The following SV2C variants were observed in gnomAD, a reference collection of about 807,000 sequenced individuals.
SV2C encodes the protein solute carrier family 22 member B3.
SV2C carries 49 observed loss-of-function variants against 79.7 expected under a neutral mutation model. The observed-to-expected ratio is 0.61, with a 90% CI of 0.49 to 0.78. The LOEUF (loss-of-function observed/expected upper bound fraction) is 0.78. Among genes scored for constraint, SV2C ranks in the 30% least tolerant of loss-of-function variants. SV2C has a pLI of 0.00. For missense variants in SV2C, 833 were observed against 912.9 expected (o/e 0.91, Z 1.13); for synonymous variants, 334 against 333.2 (o/e 1.00, Z -0.03).
At chr5:76,024,409 A>T in the SV2C span, among the ~76,000 whole-genome samples, 4 of 152,194 alleles carry the variant, frequency 2.6e-5, no homozygotes, top group African/African-American at 9.6e-5. Context: ...GTTTGTGAAC[A>T]TGTTGTCACT....
the SV2C span, among the ~76,000 whole-genome samples, chr5:75,960,728 G>C: frequency 1.3e-5 from 2 of 151,930 alleles, no homozygotes; most frequent in Non-Finnish European, 1.5e-5. Context: ...CTCAGAAAGT[G>C]TCCCTGTCAT....
chr5:76,268,482 G>A (rs4704303), intron 4 of SV2C, among the ~76,000 whole-genome samples: 37,301 of 152,050 alleles, frequency 0.25, 4,938 homozygotes, highest in African/African-American at 0.33. Flanking sequence ...CATGGCTGCA[G>A]CTTTATTGGT....
chr5:76,337,157 G>T (rs1037409103), downstream of SV2C, among the ~76,000 whole-genome samples: 2 of 152,126 alleles, frequency 1.3e-5, no homozygotes, highest in Non-Finnish European at 2.9e-5. Flanking sequence ...TTTTCTTACA[G>T]ATCTGGAGAC....
the SV2C span, among the ~76,000 whole-genome samples, chr5:75,942,073 G>A: frequency 1.3e-5 from 2 of 152,168 alleles, no homozygotes; most frequent in African/African-American, 4.8e-5. Flanking sequence ...AGAGGACAAG[G>A]TTAAGAGAGT....
chr5:76,077,726 A>C, the SV2C span, among the ~76,000 whole-genome samples: 1 of 152,188 alleles, frequency 6.6e-6, no homozygotes, highest in Non-Finnish European at 1.5e-5. Context: ...TTTGGTCAAG[A>C]CTACAATGAG....
the SV2C span, among the ~76,000 whole-genome samples, chr5:75,968,156 C>A: frequency 6.6e-6 from 1 of 152,090 alleles, no homozygotes. Context: ...GACATCCACA[C>A]CAAAAACCCA....
the SV2C span, among the ~76,000 whole-genome samples, chr5:76,065,371 C>A: frequency 6.6e-6 from 1 of 152,094 alleles, no homozygotes; most frequent in Non-Finnish European, 1.5e-5. Flanking sequence ...AAATATCTGT[C>A]AGAAGGTGGC....
intron 2 of SV2C, among the ~76,000 whole-genome samples, chr5:76,179,732 G>A (rs1358955879): frequency 6.6e-6 from 1 of 152,190 alleles, no homozygotes; most frequent in Non-Finnish European, 1.5e-5. Context: ...AATGGATTAG[G>A]GGCAACATCC....
intron 1 of SV2C, among the ~76,000 whole-genome samples, chr5:76,099,517 G>T (rs1179389512): frequency 1.3e-5 from 2 of 151,976 alleles, no homozygotes; most frequent in African/African-American, 4.8e-5. Flanking sequence ...GCTTATAAGG[G>T]TTTCCTTCTC....
the SV2C span, among the ~76,000 whole-genome samples, chr5:75,950,128 G>A: frequency 6.6e-6 from 1 of 152,010 alleles, no homozygotes; most frequent in Non-Finnish European, 1.5e-5. Context: ...CTGTTGGTGT[G>A]TTTATACGCA....
chr5:76,048,826 A>ATTT, the SV2C span, among the ~76,000 whole-genome samples: 271 of 109,176 alleles, frequency 2.5e-3, 3 homozygotes, highest in Non-Finnish European at 3.9e-3. Context: ...AAAAAAAAAA[A>ATTT]TTTTGGGGCT....
the SV2C span, among the ~76,000 whole-genome samples, chr5:75,989,977 A>T: frequency 2.2e-4 from 16 of 73,886 alleles, no homozygotes; most frequent in African/African-American, 8.3e-4. Context: ...CCCCTTTTTA[A>T]TGGGGTTTTT....
intron 6 of SV2C, among the ~76,000 whole-genome samples, chr5:76,289,830 G>A (rs1747492031): frequency 6.6e-6 from 1 of 152,236 alleles, no homozygotes; most frequent in East Asian, 1.9e-4. Flanking sequence ...TAAGCCTGCA[G>A]TTCCTGAAGC....
chr5:75,868,414 C>T, the SV2C span, among the ~76,000 whole-genome samples: 3 of 152,166 alleles, frequency 2.0e-5, no homozygotes, highest in Admixed American at 1.3e-4. Flanking sequence ...AATGAGCACT[C>T]GGGCTACTAT....
chr5:76,110,037 G>A (rs2112136884), intron 1 of SV2C, among the ~76,000 whole-genome samples: 1 of 152,312 alleles, frequency 6.6e-6, no homozygotes, highest in African/African-American at 2.4e-5. Flanking sequence ...CAGTTCTTCA[G>A]AGGTATGGCC....
intron 2 of SV2C, among the ~76,000 whole-genome samples, chr5:76,147,301 G>T (rs779668529): frequency 8.9e-5 from 12 of 135,376 alleles, no homozygotes; most frequent in Non-Finnish European, 1.4e-4. Flanking sequence ...CACACTCAGA[G>T]ATAGGGAGGG....
chr5:76,124,246 C>A (rs908214178), intron 1 of SV2C, among the ~76,000 whole-genome samples: 1 of 152,144 alleles, frequency 6.6e-6, no homozygotes, highest in African/African-American at 2.4e-5. Context: ...AACTCCGTAT[C>A]CATCAGATGA....
At chr5:76,263,833 C>T (rs1216256320) in intron 4 of SV2C, among the ~76,000 whole-genome samples, 3 of 151,958 alleles carry the variant, frequency 2.0e-5, no homozygotes, top group Non-Finnish European at 4.4e-5. Flanking sequence ...GGTAACCTGA[C>T]CTTTTTCTCT....
chr5:75,950,936 T>G, the SV2C span, among the ~76,000 whole-genome samples: 1 of 152,056 alleles, frequency 6.6e-6, no homozygotes, highest in Non-Finnish European at 1.5e-5. Context: ...GTCAAATGAA[T>G]GATTCCAATT....
Sources: gnomAD v4.1 joint callset for allele counts (sites outside exome capture counted in the v4.1 genomes callset) on GRCh38, gnomAD v4.1.1 for gene constraint, MANE v1.5 for transcripts, NCBI Gene and HGNC (gene_info 2026-07-23, HGNC 2026-07-21) for gene names.